CREBBP: variants seen among roughly 807,000 people sequenced by gnomAD.
The protein encoded by CREBBP is CREB binding lysine acetyltransferase, also known as CREB-binding protein.
Under a neutral mutation model 265.0 loss-of-function variants are expected in CREBBP, and 19 were observed. The ratio of observed to expected loss-of-function variants is 0.07; its 90% CI spans 0.05 to 0.11. CREBBP has a LOEUF of 0.11. Among genes scored for constraint, CREBBP ranks in the 10% least tolerant of loss-of-function variants. The pLI is 1.00. For missense variants in CREBBP, 2,525 were observed against 3,219.0 expected (o/e 0.78, Z 5.22); for synonymous variants, 1,457 against 1,223.7 (o/e 1.19, Z -3.98).
At chr16:3,857,949 T>G (rs968193323) in intron 1 of CREBBP, among the ~76,000 whole-genome samples, 1 of 152,072 alleles carries the variant, frequency 6.6e-6, no homozygotes, top group East Asian at 1.9e-4. Context: ...AGTAGGGACT[T>G]AGGAAGGAGA....
At chr16:3,734,982 G>A (rs1048058362) in intron 28 of CREBBP, among the ~76,000 whole-genome samples, 5 of 152,106 alleles carry the variant, frequency 3.3e-5, no homozygotes, top group Non-Finnish European at 7.4e-5. Context: ...ACAATCGCCT[G>A]TCCCAAGTTC....
At chr16:3,780,559 G>C (rs536170579) in intron 8 of CREBBP, among the ~76,000 whole-genome samples, 173 bp downstream of exon 8, 2 of 152,228 alleles carry the variant, frequency 1.3e-5, no homozygotes, top group African/African-American at 2.4e-5. Flanking sequence ...CGAGGACATA[G>C]AGTGTGGGAA....
chr16:3,809,433 C>A (rs2141342841), intron 3 of CREBBP, among the ~76,000 whole-genome samples: 1 of 152,314 alleles, frequency 6.6e-6, no homozygotes, highest in East Asian at 1.9e-4. Context: ...GCCTCAGCCT[C>A]CCAAAGTGCT....
chr16:3,757,435 A>T, intron 18 of CREBBP, 59 bp from the exon 19 acceptor site: 5 of 1,351,098 alleles, frequency 3.7e-6, no homozygotes, highest in Non-Finnish European at 5.2e-6. Flanking sequence ...ACTGTCTTAT[A>T]ATGTTCTAGT....
At chr16:3,766,761 A>C (rs1227631020) in intron 16 of CREBBP, among the ~76,000 whole-genome samples, 1 of 152,176 alleles carries the variant, frequency 6.6e-6, no homozygotes, top group African/African-American at 2.4e-5. Flanking sequence ...TCCCAGCATC[A>C]AGCAAGCCTC....
intron 1 of CREBBP, among the ~76,000 whole-genome samples, chr16:3,852,107 T>C (rs1374032073): frequency 7.3e-6 from 1 of 137,700 alleles, no homozygotes; most frequent in South Asian, 2.3e-4. Context: ...TAACTGGGCA[T>C]TGACTTAGAT....
chr16:3,788,134 C>T (rs1416690322), intron 5 of CREBBP, among the ~76,000 whole-genome samples: 1 of 152,136 alleles, frequency 6.6e-6, no homozygotes, highest in Non-Finnish European at 1.5e-5. Context: ...CTGGGGCCGA[C>T]CCTGCACACT....
At position 3,745,362 on chromosome 16, in the gene CREBBP, G is replaced by A. The variant is rs3025684; in HGVS notation, c.3837-8C>T. The A allele has an allele frequency of 0.049, 78,735 of 1,613,116 alleles. 10,174 individuals are homozygous for A. Among genetic ancestry groups the A allele is most frequent in the African/African-American group, 0.45 (33,894 of 74,816 alleles). On this transcript the variant is annotated splice_region_variant and splice_polypyrimidine_tract_variant and intron_variant, in intron 21 of 30. Coordinates refer to ENST00000262367, the MANE Select transcript of CREBBP (RefSeq NM_004380.3). ...TCCTTGCAATCAACGAAACTAGGAG[G>A]CAAAGAAGGCGCACTGTTAAAGCAC...
intron 2 of CREBBP, among the ~76,000 whole-genome samples, chr16:3,837,258 T>C (rs1405493365): frequency 6.6e-6 from 1 of 152,084 alleles, no homozygotes; most frequent in African/African-American, 2.4e-5. Flanking sequence ...CTTAGGCTAG[T>C]GTGTGTGTGT....
At chr16:3,818,464 C>G (rs949165127) in intron 2 of CREBBP, among the ~76,000 whole-genome samples, 4 of 151,988 alleles carry the variant, frequency 2.6e-5, no homozygotes, top group African/African-American at 9.7e-5. Context: ...CGTGCCACCA[C>G]GCCTGGCTAA....
chr16:3,739,124 A>G (rs925526711), intron 25 of CREBBP, among the ~76,000 whole-genome samples: 9 of 152,224 alleles, frequency 5.9e-5, no homozygotes, highest in African/African-American at 1.9e-4. Flanking sequence ...CCTGCTGCCA[A>G]TCAGTTAAAT....
chr16:3,856,982 A>T (rs925042596), intron 1 of CREBBP, among the ~76,000 whole-genome samples: 36 of 152,164 alleles, frequency 2.4e-4, no homozygotes, highest in African/African-American at 7.7e-4. Flanking sequence ...AACAGCTGGA[A>T]GCTGAGCACA....
At chr16:3,844,143 G>A (rs537178434) in intron 2 of CREBBP, among the ~76,000 whole-genome samples, 37 of 92,920 alleles carry the variant, frequency 4.0e-4, no homozygotes, top group African/African-American at 1.4e-3. Context: ...GCGAGACTCC[G>A]TCTCAAAAAA....
At chr16:3,840,409 T>C (rs2054543527) in intron 2 of CREBBP, 1 of 152,258 alleles carries the variant, frequency 6.6e-6, no homozygotes. Context: ...AAAAAGATGG[T>C]TGGAGTTCGG....
intron 2 of CREBBP, among the ~76,000 whole-genome samples, chr16:3,818,803 T>G (rs1225184064): frequency 6.6e-6 from 1 of 152,006 alleles, no homozygotes. Flanking sequence ...AACCAAAATA[T>G]GATGTTCAGT....
At chr16:3,822,322 G>A (rs531125205) in intron 2 of CREBBP, among the ~76,000 whole-genome samples, 3 of 152,254 alleles carry the variant, frequency 2.0e-5, no homozygotes, top group Admixed American at 6.5e-5. Flanking sequence ...TATAGGTAAC[G>A]CAACGGTTCA....
chr16:3,778,726 C>A lies in CREBBP; in HGVS notation c.1915G>T (p.Asp639Tyr), dbSNP rs1484375857. ...CTGCTGTTGGCAGACTCGTACATGT[C>A]CCCTTCCACTTTCTTAGCATAGGCT... ...LVAYAKKVEG[D>Y]MYESANSRDE... Residue 639 changes from aspartate to tyrosine, a missense_variant, in exon 9 of 31, where the codon GAC (aspartate) becomes TAC (tyrosine). By Grantham distance (160) the Asp-to-Tyr change is radical (BLOSUM62 -3). Around this residue, in one of 19 missense-constraint regions of CREBBP, gnomAD observed 29 missense variants for 99.9 expected, o/e 0.29. Coordinates refer to ENST00000262367, the MANE Select transcript of CREBBP (RefSeq NM_004380.3). 1 of 1,613,880 alleles carries A rather than the reference C, an allele frequency of 6.2e-7. No homozygotes were observed. Among genetic ancestry groups the A allele is most frequent in the Non-Finnish European group, 8.5e-7 (1 of 1,179,908 alleles).
intron 19 of CREBBP, among the ~76,000 whole-genome samples, chr16:3,752,251 C>G (rs574416333): frequency 1.3e-5 from 2 of 152,190 alleles, no homozygotes; most frequent in South Asian, 4.2e-4. Context: ...AAATATAACT[C>G]CAGGGTTTGA....
intron 3 of CREBBP, among the ~76,000 whole-genome samples, chr16:3,808,037 T>C (rs1429077193): frequency 1.3e-5 from 2 of 150,354 alleles, no homozygotes; most frequent in Non-Finnish European, 2.9e-5. Context: ...GCAGTTCCCA[T>C]GGACAAAAAT....
Sources: allele counts gnomAD v4.1 joint callset (sites outside exome capture counted in the v4.1 genomes callset), GRCh38; gene constraint gnomAD v4.1.1; regional missense constraint gnomAD v4.1.1; transcripts MANE v1.5; gene names NCBI Gene and HGNC (gene_info 2026-07-23, HGNC 2026-07-21).